GRIK4: variants seen among roughly 807,000 people sequenced by gnomAD.
GRIK4 encodes glutamate receptor ionotropic, kainate 4.
A neutral mutation model predicts 104.9 loss-of-function variants in GRIK4; 40 were observed. The ratio of observed to expected loss-of-function variants is 0.38; its 90% confidence interval spans 0.30 to 0.50. The LOEUF is 0.50. GRIK4 is among the 20% of genes least tolerant of loss of function. GRIK4 has a pLI of 0.93. For missense variants in GRIK4, 1,047 were observed against 1,308.1 expected (o/e 0.80, Z 3.08); for synonymous variants, 485 against 524.9 (o/e 0.92, Z 1.04).
intron 14 of GRIK4, among the ~76,000 whole-genome samples, chr11:120,946,076 T>C (rs1403978201): frequency 6.6e-6 from 1 of 152,212 alleles, no homozygotes; most frequent in Admixed American, 6.5e-5. Flanking sequence ...TTTTATGGTA[T>C]TGATGCATAC....
At chr11:120,782,398 G>A (rs1952175815) in intron 3 of GRIK4, among the ~76,000 whole-genome samples, 1 of 150,756 alleles carries the variant, frequency 6.6e-6, no homozygotes, top group Non-Finnish European at 1.5e-5. Flanking sequence ...CCATTCTCCT[G>A]CCTCAGCCTC....
chr11:120,744,329 G>A (rs1218466197), intron 3 of GRIK4, among the ~76,000 whole-genome samples: 2 of 152,130 alleles, frequency 1.3e-5, no homozygotes, highest in Non-Finnish European at 2.9e-5. Context: ...CCTGGACGCT[G>A]GGCACAGCAA....
chr11:120,910,265 G>A (rs1186017938), intron 13 of GRIK4, among the ~76,000 whole-genome samples: 5 of 152,212 alleles, frequency 3.3e-5, no homozygotes, highest in South Asian at 2.1e-4. Context: ...ACACACGGCC[G>A]TGTATTCATT....
intron 3 of GRIK4, among the ~76,000 whole-genome samples, chr11:120,748,663 C>T (rs910574549): frequency 1.3e-5 from 2 of 152,176 alleles, no homozygotes; most frequent in Middle Eastern, 3.2e-3. Flanking sequence ...AAATGGCCTC[C>T]CCCTATACCT....
rs560786947 is a variant in GRIK4 at position 120,570,761 on chromosome 11, G to A, written c.-159+58874G>A. Among the ~76,000 whole-genome samples, 58 of 152,254 alleles carry A rather than the reference G, an allele frequency of 3.8e-4. 1 individual carries two copies. Among genetic ancestry groups the A allele is most frequent in the South Asian group, 2.9e-3 (14 of 4,818 alleles). ...GTGAATAATGCCCAGCCAATTTTCT[G>A]TTTATGGTAATGAGGATTTAGTCTC... On this transcript the variant is annotated intron_variant, in intron 1 of 20. Coordinates refer to ENST00000527524, the MANE Select transcript of GRIK4 (RefSeq NM_014619.5).
At chr11:120,811,968 G>A (rs1235707756) in intron 4 of GRIK4, among the ~76,000 whole-genome samples, 2 of 152,206 alleles carry the variant, frequency 1.3e-5, no homozygotes, top group Admixed American at 6.5e-5. Context: ...AAATAAGACA[G>A]GTTCTCTGCC....
chr11:120,544,661 A>C (rs948702494), intron 1 of GRIK4, among the ~76,000 whole-genome samples: 53 of 152,132 alleles, frequency 3.5e-4, no homozygotes, highest in Non-Finnish European at 1.9e-4. Context: ...AGCTGTTATT[A>C]GGAAGTTGTG....
chr11:120,944,963 C>T, intron 14 of GRIK4, among the ~76,000 whole-genome samples: 1 of 151,698 alleles, frequency 6.6e-6, no homozygotes, highest in Non-Finnish European at 1.5e-5. Flanking sequence ...ATTAATTGTT[C>T]CTTCATAATC....
At chr11:120,783,183 C>T (rs143228618) in intron 3 of GRIK4, among the ~76,000 whole-genome samples, 81 of 152,314 alleles carry the variant, frequency 5.3e-4, no homozygotes, top group Middle Eastern at 3.4e-3. Context: ...ATTTCCAAGT[C>T]GGCAGAATAG....
At chr11:120,585,138 G>A (rs182017899) in intron 1 of GRIK4, among the ~76,000 whole-genome samples, 33 of 152,222 alleles carry the variant, frequency 2.2e-4, no homozygotes, top group African/African-American at 5.1e-4. Flanking sequence ...AAGACTTTCC[G>A]TCTTTTTTAA....
At position 120,962,534 on chromosome 11, in the gene GRIK4, G is replaced by A; in HGVS notation, c.2119G>A (p.Glu707Lys). The change falls in exon 18 of 21, where the codon GAG (glutamate) becomes AAG (lysine). Residue 707 changes from glutamate to lysine, a missense_variant. Coordinates refer to ENST00000527524, the MANE Select transcript of GRIK4 (RefSeq NM_014619.5). ...GCCCAGCGTGTTCGTGAAGAGCACAGAGGAGGGAATCGCCAGGGTGTTGAA... is the reference window on the plus strand; with the variant it reads ...GCCCAGCGTGTTCGTGAAGAGCACAAAGGAGGGAATCGCCAGGGTGTTGAA... ...KQPSVFVKST[E>K]EGIARVLNSN... 6.2e-7 allele frequency: 1 copy of A among 1,614,098 alleles called. No homozygotes were observed. The highest frequency in any genetic ancestry group is 8.5e-7 in the Non-Finnish European group (1 of 1,179,962).
chr11:120,803,264 G>A (rs1952654905), intron 4 of GRIK4, among the ~76,000 whole-genome samples: 1 of 152,186 alleles, frequency 6.6e-6, no homozygotes, highest in African/African-American at 2.4e-5. Flanking sequence ...GGGCGCTGTT[G>A]TGGGAGAAAC....
intron 3 of GRIK4, among the ~76,000 whole-genome samples, chr11:120,661,644 A>G (rs1339313448): frequency 6.6e-6 from 1 of 152,156 alleles, no homozygotes; most frequent in Non-Finnish European, 1.5e-5. Context: ...GTGGGCGAGC[A>G]GCCAAAACCT....
chr11:120,860,845 G>A (rs1207730145), intron 8 of GRIK4, among the ~76,000 whole-genome samples: 2 of 152,056 alleles, frequency 1.3e-5, no homozygotes, highest in African/African-American at 4.8e-5. Flanking sequence ...CAGTTCCCCT[G>A]GGTCCCATCA....
intron 1 of GRIK4, among the ~76,000 whole-genome samples, chr11:120,521,822 C>T (rs777411885): frequency 2.0e-5 from 3 of 152,198 alleles, no homozygotes; most frequent in Admixed American, 6.5e-5. Flanking sequence ...TTGCATTTGA[C>T]GTCCTACCTG....
At chr11:120,533,697 G>C (rs1190619137) in intron 1 of GRIK4, among the ~76,000 whole-genome samples, 1 of 152,170 alleles carries the variant, frequency 6.6e-6, no homozygotes, top group Admixed American at 6.6e-5. Flanking sequence ...GGCCAACATG[G>C]TGAAACCCTG....
chr11:120,675,661 C>A (rs1351991813), intron 3 of GRIK4, among the ~76,000 whole-genome samples: 5 of 152,102 alleles, frequency 3.3e-5, no homozygotes, highest in African/African-American at 1.2e-4. Flanking sequence ...ATGTACAAAC[C>A]TGCAATTGAA....
chr11:120,923,295 G>A (rs901450920), intron 13 of GRIK4, among the ~76,000 whole-genome samples: 15 of 152,094 alleles, frequency 9.9e-5, no homozygotes, highest in East Asian at 3.8e-4. Flanking sequence ...TCTGGGGCTC[G>A]TGCACAAAGG....
At chr11:120,519,078 A>G (rs912664588) in intron 1 of GRIK4, among the ~76,000 whole-genome samples, 1 of 152,242 alleles carries the variant, frequency 6.6e-6, no homozygotes, top group African/African-American at 2.4e-5. Flanking sequence ...GCACTAGAGC[A>G]TGGGCTCTGT....
Sources: gnomAD v4.1 joint callset for allele counts (sites outside exome capture counted in the v4.1 genomes callset) on GRCh38, gnomAD v4.1.1 for gene constraint, MANE v1.5 for transcripts, NCBI Gene and HGNC (gene_info 2026-07-23, HGNC 2026-07-21) for gene names.